The following GPC5 variants were observed in gnomAD, a reference collection of about 807,000 sequenced individuals.
GPC5 encodes glypican 5.
Under a neutral mutation model 53.9 loss-of-function variants are expected in GPC5, and 47 were observed. That is an observed-to-expected ratio of 0.87 (90% CI 0.69 to 1.11). The LOEUF (loss-of-function observed/expected upper bound fraction) is 1.11, where lower values mean the gene tolerates loss of function less well. Ranked by LOEUF, GPC5 falls within the 50% of genes most tolerant of loss-of-function variation. The probability of loss-of-function intolerance (pLI) is 0.00; values close to 1 mark genes in which losing one functional copy is unlikely to be tolerated. For missense variants in GPC5, 748 were observed against 713.1 expected (o/e 1.05, Z -0.56); for synonymous variants, 286 against 263.3 (o/e 1.09, Z -0.84).
intron 6 of GPC5, among the ~76,000 whole-genome samples, chr13:92,101,476 A>T (rs2041466779): frequency 1.3e-5 from 2 of 152,158 alleles, no homozygotes; most frequent in African/African-American, 4.8e-5. Context: ...GTGGATTCCC[A>T]ATGTGTTTTT....
chr13:91,479,877 A>G (rs1298711118), intron 2 of GPC5, among the ~76,000 whole-genome samples: 2 of 152,200 alleles, frequency 1.3e-5, no homozygotes, highest in Non-Finnish European at 2.9e-5. Context: ...GGCACTTAAT[A>G]TTCTCAGTGG....
At chr13:92,100,905 CT>C (rs1362080817) in intron 6 of GPC5, among the ~76,000 whole-genome samples, 2 of 152,130 alleles carry the variant, frequency 1.3e-5, no homozygotes, top group African/African-American at 4.8e-5. Flanking sequence ...TAATCTTGGG[CT>C]ACAGTCACAT....
chr13:91,433,468 G>A (rs530643597), intron 1 of GPC5, among the ~76,000 whole-genome samples: 11 of 150,728 alleles, frequency 7.3e-5, no homozygotes, highest in South Asian at 2.1e-4. Flanking sequence ...TTTTGTCCTC[G>A]TGATAGTTTG....
At position 92,819,471 on chromosome 13, in the gene GPC5, A is replaced by C. The variant is rs117612160; in HGVS notation, c.1562-46811A>C. ...TAAAATGAAGCTGTTTGCTAACTTC[A>C]CCAAACTGTAATTCCCTCATTAATA... On this transcript the variant is annotated intron_variant, in intron 7 of 7. Transcript: ENST00000377067. Among the ~76,000 whole-genome samples the C allele has an allele frequency of 9.2e-3, 1,396 of 152,350 alleles. 46 individuals carry two copies. The highest frequency in any genetic ancestry group is 0.058 in the Admixed American group (888 of 15,298).
intron 6 of GPC5, among the ~76,000 whole-genome samples, chr13:91,929,775 A>G (rs1267567881): frequency 6.6e-6 from 1 of 150,952 alleles, no homozygotes; most frequent in African/African-American, 2.4e-5. Context: ...GCATTGGTAT[A>G]TTATCATAGA....
chr13:92,842,340 C>G (rs561065918), intron 7 of GPC5, among the ~76,000 whole-genome samples: 1 of 152,138 alleles, frequency 6.6e-6, no homozygotes, highest in South Asian at 2.1e-4. Flanking sequence ...CTTGCCTTCT[C>G]GAGGTCCTTT....
chr13:92,316,206 A>G (rs894618382), intron 7 of GPC5, among the ~76,000 whole-genome samples: 1 of 152,156 alleles, frequency 6.6e-6, no homozygotes, highest in Non-Finnish European at 1.5e-5. Flanking sequence ...TAGTAATTAT[A>G]TAAACTTAAA....
intron 7 of GPC5, among the ~76,000 whole-genome samples, chr13:92,210,422 G>GT (rs1290131260): frequency 6.6e-6 from 1 of 152,062 alleles, no homozygotes; most frequent in Non-Finnish European, 1.5e-5. Context: ...CAGTTCTCAT[G>GT]TTTTTTCTTT....
chr13:91,546,552 T>TAC, intron 2 of GPC5, among the ~76,000 whole-genome samples: 1 of 152,202 alleles, frequency 6.6e-6, no homozygotes, highest in East Asian at 1.9e-4. Context: ...AATGTCAGTG[T>TAC]CTTTTTCATG....
chr13:92,692,275 G>A lies in GPC5; in HGVS notation c.1562-174007G>A, dbSNP rs570435938. Among the ~76,000 whole-genome samples, 8 of 152,104 alleles carry A rather than the reference G, an allele frequency of 5.3e-5. No individual in the cohort carries two copies. The South Asian group carries it at 1.0e-3, about 20-fold the overall frequency. On this transcript the variant is annotated intron_variant, in intron 7 of 7. Coordinates refer to ENST00000377067, the MANE Select transcript of GPC5 (RefSeq NM_004466.6). ...CCACATTTTCTTGATCCAGTTCACC[G>A]ATGAGGGACACCTGAGTTGATTCCC...
intron 2 of GPC5, among the ~76,000 whole-genome samples, chr13:91,453,655 G>T (rs1321095871): frequency 6.6e-6 from 1 of 152,060 alleles, no homozygotes; most frequent in Non-Finnish European, 1.5e-5. Context: ...ATTTCTATGT[G>T]TAGCACTGAG....
chr13:92,395,949 G>T (rs1875251025), intron 7 of GPC5, among the ~76,000 whole-genome samples: 1 of 149,578 alleles, frequency 6.7e-6, no homozygotes, highest in African/African-American at 2.4e-5. Flanking sequence ...CTTCTTTTTG[G>T]TATTTATCCT....
At chr13:91,883,942 C>A (rs2039295307) in intron 5 of GPC5, among the ~76,000 whole-genome samples, 1 of 151,964 alleles carries the variant, frequency 6.6e-6, no homozygotes, top group Non-Finnish European at 1.5e-5. Flanking sequence ...CTCCTCCCAG[C>A]TTTCACCCCC....
At chr13:91,833,221 A>G (rs1340600233) in intron 5 of GPC5, among the ~76,000 whole-genome samples, 3 of 152,178 alleles carry the variant, frequency 2.0e-5, no homozygotes, top group Non-Finnish European at 4.4e-5. Flanking sequence ...GAATAGACCA[A>G]TAACAAGTTC....
chr13:92,206,858 A>G (rs907080017), intron 7 of GPC5, among the ~76,000 whole-genome samples: 3 of 152,148 alleles, frequency 2.0e-5, no homozygotes, highest in Non-Finnish European at 2.9e-5. Flanking sequence ...TTCTAGACCA[A>G]TGCCTCTCAG....
At chr13:92,251,115 C>A (rs1050363827) in intron 7 of GPC5, among the ~76,000 whole-genome samples, 7 of 152,094 alleles carry the variant, frequency 4.6e-5, no homozygotes, top group Admixed American at 3.9e-4. Context: ...TACAATCCCA[C>A]ATAAAGCTCC....
At chr13:92,850,402 C>G (rs1362100866) in intron 7 of GPC5, among the ~76,000 whole-genome samples, 1 of 152,102 alleles carries the variant, frequency 6.6e-6, no homozygotes, top group Non-Finnish European at 1.5e-5. Flanking sequence ...GAGCTCGAGA[C>G]CAGCATGGCC....
chr13:91,752,078 C>T (rs1195246868), intron 4 of GPC5, among the ~76,000 whole-genome samples: 4 of 152,188 alleles, frequency 2.6e-5, no homozygotes, highest in East Asian at 3.9e-4. Flanking sequence ...TGCCTTCACC[C>T]GGTGTTTTCA....
intron 6 of GPC5, among the ~76,000 whole-genome samples, chr13:91,966,512 A>G (rs900296524): frequency 6.6e-6 from 1 of 152,202 alleles, no homozygotes; most frequent in African/African-American, 2.4e-5. Context: ...AGAGATTGAG[A>G]CAGGTGTATG....
Sources: allele counts gnomAD v4.1 joint callset (sites outside exome capture counted in the v4.1 genomes callset), GRCh38; gene constraint gnomAD v4.1.1; transcripts MANE v1.5; gene names NCBI Gene and HGNC (gene_info 2026-07-23, HGNC 2026-07-21).